PROS1: variants seen among roughly 807,000 people sequenced by gnomAD.
PROS1 encodes vitamin K-dependent protein S.
In PROS1, 29 loss-of-function variants were observed where a neutral mutation model predicts 75.9. The ratio of observed to expected loss-of-function variants is 0.38; its 90% CI spans 0.28 to 0.52. The LOEUF (loss-of-function observed/expected upper bound fraction) is 0.52. Ranked by LOEUF, PROS1 falls within the 20% of genes least tolerant of loss-of-function variation. The pLI is 0.83. For synonymous variants in PROS1, 245 were observed against 280.6 expected, an observed-to-expected ratio of 0.87 and a Z score of 1.27; for missense variants, 680 against 810.3, an observed-to-expected ratio of 0.84 and a Z score of 1.95.
chr3:93,887,796 T>C (rs1195013476), intron 10 of PROS1, among the ~76,000 whole-genome samples: 1 of 152,184 alleles, frequency 6.6e-6, no homozygotes, highest in Non-Finnish European at 1.5e-5. Context: ...CCAGACCTTT[T>C]TCCTGTAGCC....
intron 1 of PROS1, among the ~76,000 whole-genome samples, chr3:93,931,441 T>C (rs1709103647): frequency 6.6e-6 from 1 of 152,228 alleles, no homozygotes; most frequent in Non-Finnish European, 1.5e-5. Flanking sequence ...TAACATATGA[T>C]GTACGATTTT....
At chr3:93,970,422 A>G (rs2107273861) in intron 1 of PROS1, among the ~76,000 whole-genome samples, 1 of 152,214 alleles carries the variant, frequency 6.6e-6, no homozygotes, top group East Asian at 1.9e-4. Context: ...TGCAGCCTCA[A>G]CCTCCTGGGC....
At chr3:93,951,401 C>G (rs1025352417) in intron 1 of PROS1, among the ~76,000 whole-genome samples, 2 of 152,122 alleles carry the variant, frequency 1.3e-5, no homozygotes, top group African/African-American at 4.8e-5. Flanking sequence ...GATCTCTCGG[C>G]AGAAAATCTA....
chr3:93,968,300 A>C (rs1033954523), intron 1 of PROS1, among the ~76,000 whole-genome samples: 1 of 152,184 alleles, frequency 6.6e-6, no homozygotes, highest in Non-Finnish European at 1.5e-5. Flanking sequence ...ACAGAGACAG[A>C]CATGTACAGA....
chr3:93,901,255 T>C (rs1708589137), intron 6 of PROS1, among the ~76,000 whole-genome samples: 1 of 152,234 alleles, frequency 6.6e-6, no homozygotes, highest in Admixed American at 6.5e-5. Context: ...TCACTCCATA[T>C]TATCACAAGT....
intron 3 of PROS1, among the ~76,000 whole-genome samples, chr3:93,914,187 G>A (rs1316076845): frequency 6.6e-6 from 1 of 152,120 alleles, no homozygotes; most frequent in South Asian, 2.1e-4. Context: ...CTGGGCTCTC[G>A]GGGCTTCCCA....
At chr3:93,899,453 A>T (rs1369979478) in intron 7 of PROS1, among the ~76,000 whole-genome samples, 1 of 152,202 alleles carries the variant, frequency 6.6e-6, no homozygotes, top group South Asian at 2.1e-4. Flanking sequence ...TATTAAAGTT[A>T]TAGATAAGAG....
chr3:93,922,324 TCAC>T (rs779909180), intron 3 of PROS1, among the ~76,000 whole-genome samples: 2 of 152,206 alleles, frequency 1.3e-5, no homozygotes, highest in Non-Finnish European at 2.9e-5. Context: ...GGCTCAGAGT[TCAC>T]CATTCTTCCC....
chr3:93,960,407 A>G (rs968350072), intron 1 of PROS1, among the ~76,000 whole-genome samples: 9 of 151,230 alleles, frequency 6.0e-5, no homozygotes, highest in Non-Finnish European at 1.2e-4. Flanking sequence ...CAATCTCCTG[A>G]CCCTGAGATC....
At chr3:93,910,969 G>GA (rs1013053808) in intron 3 of PROS1, 66 of 422,700 alleles carry the variant, frequency 1.6e-4, no homozygotes, top group Non-Finnish European at 2.2e-4. Flanking sequence ...AGTCAGAAGT[G>GA]AAAAAAACCT....
At chr3:93,929,337 G>C (rs1709071640) in intron 1 of PROS1, among the ~76,000 whole-genome samples, 1 of 152,044 alleles carries the variant, frequency 6.6e-6, no homozygotes, top group African/African-American at 2.4e-5. Context: ...CAATTGTCCA[G>C]GTGTAGTGGT....
intron 1 of PROS1, among the ~76,000 whole-genome samples, chr3:93,946,077 A>G (rs1313387169): frequency 6.6e-6 from 1 of 152,208 alleles, no homozygotes; most frequent in African/African-American, 2.4e-5. Context: ...AGAATAAAAT[A>G]CCTAGGAATC....
intron 13 of PROS1, among the ~76,000 whole-genome samples, chr3:93,878,668 C>T (rs1708227236): frequency 6.6e-6 from 1 of 152,306 alleles, no homozygotes; most frequent in South Asian, 2.1e-4. Context: ...ACCAAGTGGA[C>T]CAGTTTTAAC....
intron 1 of PROS1, among the ~76,000 whole-genome samples, chr3:93,955,120 C>T (rs377724579): frequency 3.5e-4 from 54 of 152,208 alleles, no homozygotes; most frequent in South Asian, 8.3e-4. Context: ...ACTTTTACAC[C>T]GTTGGTGGGA....
intron 1 of PROS1, among the ~76,000 whole-genome samples, chr3:93,941,338 C>A (rs183152470): frequency 1.3e-5 from 2 of 152,254 alleles, no homozygotes; most frequent in East Asian, 3.9e-4. Context: ...CATCCATTAC[C>A]TAACTTGGCA....
At chr3:93,962,296 T>G (rs980292269) in intron 1 of PROS1, among the ~76,000 whole-genome samples, 2 of 152,104 alleles carry the variant, frequency 1.3e-5, no homozygotes, top group African/African-American at 4.8e-5. Context: ...TCTTCACTGT[T>G]TCATGCACAA....
Position 93,898,536 on chromosome 3 carries a change from T to G in PROS1, c.761A>C (p.Gln254Pro). 1 of 1,612,730 alleles carries G rather than the reference T, an allele frequency of 6.2e-7. No homozygotes were observed. The highest frequency in any genetic ancestry group is 2.2e-5 in the East Asian group (1 of 44,780). The change falls in exon 8 of 15, where the codon CAG becomes CCG. Residue 254 changes from glutamine (Q) to proline (P), a missense_variant. Gln to Pro is a moderately conservative substitution (Grantham distance 76, BLOSUM62 -1). Coordinates refer to ENST00000394236, the MANE Select transcript of PROS1 (RefSeq NM_000313.4). ...ACCTCCAGGGTAATTGACACAAAGC[T>G]GAGCACACATGTTCTCAGAGCATTC... is the stretch of plus-strand genomic sequence containing the variant. ...IDECSENMCA[Q>P]LCVNYPGGYT... is the part of the protein sequence containing the mutation.
chr3:93,934,260 ATTTAAAAT>A (rs1709150100), intron 1 of PROS1, among the ~76,000 whole-genome samples: 4 of 150,008 alleles, frequency 2.7e-5, no homozygotes, highest in African/African-American at 1.0e-4. Flanking sequence ...TCAAAAATGT[ATTTAAAAT>A]AATTACATTA....
chr3:93,930,056 G>T (rs1363513457), intron 1 of PROS1, among the ~76,000 whole-genome samples: 2 of 152,294 alleles, frequency 1.3e-5, no homozygotes, highest in South Asian at 4.1e-4. Flanking sequence ...TCTTTCAAGA[G>T]TGAAGTAATA....
Sources: allele counts gnomAD v4.1 joint callset (sites outside exome capture counted in the v4.1 genomes callset), GRCh38; gene constraint gnomAD v4.1.1; transcripts MANE v1.5; gene names NCBI Gene and HGNC (gene_info 2026-07-23, HGNC 2026-07-21).